Variants in PPP1R42 observed in about 807,000 individuals in gnomAD.
PPP1R42 encodes protein phosphatase 1 regulatory subunit 42, also known as leucine rich repeat containing 67.
PPP1R42 carries 34 observed loss-of-function variants against 31.0 expected under a neutral mutation model. The ratio of observed to expected loss-of-function variants is 1.10; its 90% CI spans 0.83 to 1.46. The LOEUF is 1.46. Ranked by LOEUF, PPP1R42 falls within the 40% of genes most tolerant of loss-of-function variation. PPP1R42 has a pLI of 0.00. For synonymous variants in PPP1R42, 103 were observed against 109.8 expected, an observed-to-expected ratio of 0.94 and a Z score of 0.39; for missense variants, 268 against 303.0, an observed-to-expected ratio of 0.88 and a Z score of 0.86.
Position 66,964,143 on chromosome 8 carries a change from C to T in PPP1R42, c.*178G>A. 1 of 438,172 alleles carries T rather than the reference C, an allele frequency of 2.3e-6. No homozygotes were observed. Among genetic ancestry groups the T allele is most frequent in the South Asian group, 1.7e-5 (1 of 59,482 alleles). 27.1% of individuals were successfully genotyped at this position (438,172 alleles called of 1,614,324 possible). On this transcript the variant is annotated 3_prime_UTR_variant, in exon 8 of 8. Transcript: ENST00000685739. ...TATATTATGAGATACCATAAAGCTA[C>T]AAACCCACAAAAGATATTGTTGCCT...
chr8:66,969,559 TC>T (rs1403385940), intron 7 of PPP1R42, among the ~76,000 whole-genome samples: 6 of 152,128 alleles, frequency 3.9e-5, no homozygotes, highest in Admixed American at 3.9e-4. Context: ...ACAGACCTTC[TC>T]TCTCCTAAGA....
chr8:66,971,703 G>T (rs896451366), intron 7 of PPP1R42, among the ~76,000 whole-genome samples: 6 of 152,186 alleles, frequency 3.9e-5, no homozygotes, highest in Non-Finnish European at 8.8e-5. Context: ...AGGGCTAAAA[G>T]ATGTGAGTAT....
chr8:67,005,923 C>G lies in PPP1R42; in HGVS notation c.552+4792G>C, dbSNP rs202215723. 2.6e-5 allele frequency among the ~76,000 whole-genome samples: 4 copies of G among 152,014 alleles called. No individual in the cohort carries two copies. In the East Asian group the frequency reaches 7.7e-4, roughly 29 times the overall value. ...ATGCTTTCAGTGGCTTTCTATTGCA[C>G]TTAGAATAAAGTAAAAACTTGTGAT... On this transcript the variant is annotated intron_variant, in intron 5 of 7. Transcript: ENST00000685739.
intron 5 of PPP1R42, among the ~76,000 whole-genome samples, chr8:67,007,104 C>G (rs1473487023): frequency 6.6e-6 from 1 of 151,666 alleles, no homozygotes. Flanking sequence ...TCTCAAACCC[C>G]TGACCTCAAG....
intron 4 of PPP1R42, 22 bp downstream of exon 4, chr8:67,012,936 A>C: frequency 6.3e-7 from 1 of 1,585,138 alleles, no homozygotes; most frequent in Non-Finnish European, 8.5e-7. Context: ...TTCCTTGTCA[A>C]AATATTCAAA....
At chr8:67,014,979 A>T (rs1361468270) in intron 2 of PPP1R42, among the ~76,000 whole-genome samples, 1 of 152,140 alleles carries the variant, frequency 6.6e-6, no homozygotes, top group Non-Finnish European at 1.5e-5. Flanking sequence ...TATAATACTG[A>T]AAACTGGGAG....
At chr8:66,974,083 A>G (rs977023386) in intron 7 of PPP1R42, among the ~76,000 whole-genome samples, 30 of 152,134 alleles carry the variant, frequency 2.0e-4, no homozygotes, top group African/African-American at 7.2e-4. Context: ...CCTGATTTCA[A>G]TTCTTTTGGA....
chr8:66,967,621 T>C (rs1585954825), intron 7 of PPP1R42, among the ~76,000 whole-genome samples: 1 of 152,216 alleles, frequency 6.6e-6, no homozygotes, highest in East Asian at 1.9e-4. Context: ...GAGTTCACTT[T>C]TTAATTCAAA....
At chr8:67,010,592 C>T in intron 5 of PPP1R42, 123 bp downstream of exon 5, 1 of 697,788 alleles carries the variant, frequency 1.4e-6, no homozygotes, top group Non-Finnish European at 2.4e-6. Flanking sequence ...GATTCATTAG[C>T]TAATTTTAGA....
At chr8:67,004,139 G>A (rs907715475) in intron 5 of PPP1R42, among the ~76,000 whole-genome samples, 8 of 152,026 alleles carry the variant, frequency 5.3e-5, no homozygotes, top group Non-Finnish European at 1.0e-4. Flanking sequence ...AATTTATGAG[G>A]GCAGAGCCTT....
intron 5 of PPP1R42, among the ~76,000 whole-genome samples, chr8:66,999,402 G>T (rs747651131): frequency 6.6e-6 from 1 of 152,128 alleles, no homozygotes. Context: ...TTTATTTTTA[G>T]TAGAGACGGG....
chr8:66,985,637 C>T (rs949772050), intron 6 of PPP1R42: 6 of 1,350,582 alleles, frequency 4.4e-6, no homozygotes, highest in Non-Finnish European at 5.3e-6. Flanking sequence ...TCAATGGCAT[C>T]ATTCATGAAA....
chr8:66,981,903 CTAAGTAAA>C (rs1417685922), intron 7 of PPP1R42, 138 bp downstream of exon 7: 35 of 785,196 alleles, frequency 4.5e-5, no homozygotes, highest in Non-Finnish European at 6.1e-5. Context: ...TTATGTACAA[CTAAGTAAA>C]TAAGTTTTAA....
chr8:67,019,496 C>G (rs188802771), intron 1 of PPP1R42, among the ~76,000 whole-genome samples: 12,518 of 151,372 alleles, frequency 0.083, 1,056 homozygotes, highest in African/African-American at 0.22. Context: ...CCTCGGCCTC[C>G]CAAAGTGCTA....
intron 7 of PPP1R42, chr8:66,970,914 G>T: frequency 8.5e-7 from 1 of 1,169,642 alleles, no homozygotes. Context: ...GTTCCTCTTT[G>T]TTTACTGTGA....
chr8:66,991,320 C>T (rs1159740248), intron 5 of PPP1R42, among the ~76,000 whole-genome samples: 1 of 152,070 alleles, frequency 6.6e-6, no homozygotes, highest in Non-Finnish European at 1.5e-5. Context: ...TGTACAAATG[C>T]AAAAGTCTTA....
At chr8:66,982,876 A>T (rs2130925053) in intron 6 of PPP1R42, among the ~76,000 whole-genome samples, 1 of 152,236 alleles carries the variant, frequency 6.6e-6, no homozygotes, top group East Asian at 1.9e-4. Flanking sequence ...TCCTCAGCTT[A>T]AGTGATCCTC....
intron 5 of PPP1R42, among the ~76,000 whole-genome samples, chr8:66,992,519 C>T (rs570154164): frequency 9.8e-5 from 15 of 152,326 alleles, no homozygotes; most frequent in African/African-American, 2.2e-4. Context: ...TGCATCAGCA[C>T]GTTTCCAGAG....
intron 5 of PPP1R42, among the ~76,000 whole-genome samples, chr8:66,993,293 C>G (rs192040873): frequency 8.2e-4 from 125 of 152,324 alleles, no homozygotes; most frequent in Middle Eastern, 6.8e-3. Flanking sequence ...GTTCTTCACA[C>G]TGTAGCCATG....
Sources: allele counts gnomAD v4.1 joint callset (sites outside exome capture counted in the v4.1 genomes callset), GRCh38; gene constraint gnomAD v4.1.1; transcripts MANE v1.5; gene names NCBI Gene and HGNC (gene_info 2026-07-23, HGNC 2026-07-21).